IFNGR1: variants seen among roughly 807,000 people sequenced by gnomAD.
The protein encoded by IFNGR1 is AVP, type 2.
A neutral mutation model predicts 35.4 loss-of-function variants in IFNGR1; 23 were observed. That is an observed-to-expected ratio of 0.65 (90% CI 0.47 to 0.92). The LOEUF is 0.92. Ranked by LOEUF, IFNGR1 falls within the 40% of genes least tolerant of loss-of-function variation. The pLI, the probability that IFNGR1 is intolerant of heterozygous loss-of-function variation, is 0.00. For synonymous variants in IFNGR1, 199 were observed against 209.5 expected (o/e 0.95, Z 0.43); for missense variants, 533 against 583.4 (o/e 0.91, Z 0.89).
At chr6:137,219,037 G>A (rs1415485221) in intron 1 of IFNGR1, 1 of 613,948 alleles carries the variant, frequency 1.6e-6, no homozygotes, top group South Asian at 1.9e-5. Context: ...CAGGGAAGAG[G>A]CAGGAGAAAG....
chr6:137,203,739 A>AT, intron 4 of IFNGR1, 54 bp from the exon 5 acceptor site: 1 of 1,474,310 alleles, frequency 6.8e-7, no homozygotes, highest in Non-Finnish European at 9.4e-7. Flanking sequence ...ATCTGAAAAA[A>AT]AAAAAAAATC....
chr6:137,206,422 G>T, intron 2 of IFNGR1, 114 bp from the exon 3 acceptor site: 1 of 752,732 alleles, frequency 1.3e-6, no homozygotes, highest in Non-Finnish European at 2.2e-6. Context: ...AAAGAGCAGA[G>T]CTAAGAATAG....
At chr6:137,211,319 A>G (rs1167675045) in intron 1 of IFNGR1, among the ~76,000 whole-genome samples, 2 of 152,202 alleles carry the variant, frequency 1.3e-5, no homozygotes, top group African/African-American at 4.8e-5. Flanking sequence ...TAAAAACAGA[A>G]TGCTTTACAG....
chr6:137,204,883 C>T (rs549369040), intron 3 of IFNGR1, among the ~76,000 whole-genome samples: 12 of 152,228 alleles, frequency 7.9e-5, no homozygotes, highest in East Asian at 1.9e-4. Context: ...TTCTAAAAAA[C>T]GTTTCAGAAA....
chr6:137,199,448 AAATATAT>A (rs1402735330), intron 6 of IFNGR1, among the ~76,000 whole-genome samples: 2 of 38,622 alleles, frequency 5.2e-5, no homozygotes, highest in Non-Finnish European at 1.1e-4. Context: ...ATAATATATA[AAATATAT>A]AACTTATATT....
intron 1 of IFNGR1, chr6:137,218,751 A>T (rs911216464): frequency 5.7e-6 from 2 of 350,150 alleles, no homozygotes; most frequent in Non-Finnish European, 5.6e-6. Flanking sequence ...CGGGCAGTAG[A>T]AACCCAGACA....
intron 4 of IFNGR1, among the ~76,000 whole-genome samples, 185 bp downstream of exon 4, chr6:137,204,146 CA>C (rs1481684544): frequency 6.6e-6 from 1 of 152,154 alleles, no homozygotes; most frequent in Non-Finnish European, 1.5e-5. Flanking sequence ...TTCACATGGT[CA>C]GTGTTAGTGA....
At chr6:137,218,576 T>A in intron 1 of IFNGR1, 1 of 1,081,432 alleles carries the variant, frequency 9.2e-7, no homozygotes, top group Non-Finnish European at 1.2e-6. Flanking sequence ...TTTCCTACCC[T>A]AAGCACTTTG....
At chr6:137,217,570 C>A (rs1200837949) in intron 1 of IFNGR1, among the ~76,000 whole-genome samples, 2 of 152,148 alleles carry the variant, frequency 1.3e-5, no homozygotes, top group Admixed American at 6.5e-5. Context: ...TGTCAGCATC[C>A]ATGATTCCTG....
Position 137,207,401 on chromosome 6 carries a change from CTCATT to C in IFNGR1, c.86-329_86-325del, listed in dbSNP as rs564483889. ...TGCACTGATTATTGAATTAATAATC[CTCATT>C]TCATCACTAGAATTTTCAATATTTG... is the stretch of plus-strand genomic sequence containing the variant. On this transcript the variant is annotated intron_variant, in intron 1 of 6. Coordinates refer to ENST00000367739, the MANE Select transcript of IFNGR1 (RefSeq NM_000416.3). Among the ~76,000 whole-genome samples, 296 of 152,102 alleles carry C rather than the reference CTCATT, an allele frequency of 1.9e-3. 1 individual carries two copies. The highest frequency in any genetic ancestry group is 6.7e-3 in the African/African-American group (276 of 41,468).
chr6:137,210,054 T>C (rs1016937624), intron 1 of IFNGR1: 15 of 392,534 alleles, frequency 3.8e-5, no homozygotes, highest in Admixed American at 1.8e-4. Flanking sequence ...AATCTAGTTA[T>C]TAAAAGTAGT....
At chr6:137,205,997 C>T in intron 3 of IFNGR1, 139 bp downstream of exon 3, 2 of 733,194 alleles carry the variant, frequency 2.7e-6, no homozygotes, top group South Asian at 1.8e-5. Flanking sequence ...GATGCTCAAC[C>T]TGTACTGACT....
At position 137,197,958 on chromosome 6, in the gene IFNGR1, A is replaced by C; in HGVS notation, c.*73T>G. 1 of 1,599,566 alleles carries C rather than the reference A, an allele frequency of 6.3e-7. No homozygotes were observed. Among genetic ancestry groups the C allele is most frequent in the Non-Finnish European group, 8.6e-7 (1 of 1,168,440 alleles). The stretch of plus-strand genomic sequence containing the variant: ...CTAAGATACAATTTCTGAGATCATA[A>C]TCTTTTCATGAAATTAAAGCAGAAA... On this transcript the variant is annotated 3_prime_UTR_variant, in exon 7 of 7. Transcript: ENST00000367739.
intron 6 of IFNGR1, among the ~76,000 whole-genome samples, chr6:137,199,510 TTATAATATATTATATATAATA>T (rs1562283353): frequency 4.5e-4 from 2 of 4,474 alleles, no homozygotes; most frequent in Non-Finnish European, 9.7e-4. Flanking sequence ...AATATATAAT[TTATAATATATTATATATAATA>T]TATAATATAT....
chr6:137,202,733 A>G (rs1175457724), intron 5 of IFNGR1, among the ~76,000 whole-genome samples: 2 of 152,214 alleles, frequency 1.3e-5, no homozygotes, highest in Non-Finnish European at 1.5e-5. Flanking sequence ...ATGTCTATGT[A>G]GAAAAACTAA....
intron 5 of IFNGR1, among the ~76,000 whole-genome samples, chr6:137,202,188 G>A (rs1391971041): frequency 6.6e-6 from 1 of 152,210 alleles, no homozygotes; most frequent in East Asian, 1.9e-4. Flanking sequence ...CAACATTAGT[G>A]CTGTTAGAAG....
In IFNGR1 at chr6:137,218,789, T is replaced by C. The variant is rs559836290; in HGVS notation, c.85+454A>G. ...CCCAGATGACACAGCCTACTGCTCT[T>C]AGGTCATGAACCTGTACAGCCTGTC... On this transcript the variant is annotated intron_variant, in intron 1 of 6. Transcript: ENST00000367739. 4 of 350,038 alleles carry C rather than the reference T, an allele frequency of 1.1e-5. No homozygotes were observed. In the East Asian group the frequency reaches 2.2e-4, roughly 20 times the overall value. The allele number at this position is 350,038 out of a possible 1,614,324, so 21.7% of individuals were successfully genotyped here. A position where few individuals can be genotyped will look rare whatever the true frequency, so the allele number is the denominator to read the frequency against.
chr6:137,214,496 T>G (rs1360754643), intron 1 of IFNGR1, among the ~76,000 whole-genome samples: 2 of 152,214 alleles, frequency 1.3e-5, no homozygotes, highest in Non-Finnish European at 1.5e-5. Context: ...TTTTTCTTTT[T>G]AAAGAGCCAG....
In IFNGR1 at chr6:137,219,292, C is replaced by T; in HGVS notation, c.36G>A (p.Gln12=). 4 of 1,611,720 alleles carry T rather than the reference C, an allele frequency of 2.5e-6. No homozygotes were observed. Among genetic ancestry groups the T allele is most frequent in the Non-Finnish European group, 3.4e-6 (4 of 1,179,154 alleles). The change falls in exon 1 of 7, where the codon CAG becomes CAA. Residue 12 remains glutamine, a synonymous_variant. Transcript: ENST00000367739. ...TGCCCATCTCAGCCCTGCTCACACC[C>T]TGCATGACAAGGGGTAGGAGAAAGA... is the stretch of plus-strand genomic sequence containing the variant. ...ALLFLLPLVM[Q]GVSRAEMGTA...
Sources: allele counts gnomAD v4.1 joint callset (sites outside exome capture counted in the v4.1 genomes callset), GRCh38; gene constraint gnomAD v4.1.1; transcripts MANE v1.5; gene names NCBI Gene and HGNC (gene_info 2026-07-23, HGNC 2026-07-21).